The following PTCHD1 variants were observed in gnomAD, a reference collection of about 807,000 sequenced individuals.
The protein encoded by PTCHD1 is patched domain-containing protein 1.
In PTCHD1, 3 loss-of-function variants were observed where a neutral mutation model predicts 34.6. That is an observed-to-expected ratio of 0.09 (90% CI 0.04 to 0.22). The LOEUF (loss-of-function observed/expected upper bound fraction) is 0.22. Among genes scored for constraint, PTCHD1 ranks in the 10% least tolerant of loss-of-function variants. The pLI is 1.00. For synonymous variants in PTCHD1, 305 were observed against 283.1 expected, an observed-to-expected ratio of 1.08 and a Z score of -0.77; for missense variants, 504 against 685.5, an observed-to-expected ratio of 0.74 and a Z score of 2.96.
chrX:23,369,133 C>G (rs895156765), intron 1 of PTCHD1, among the ~76,000 whole-genome samples: 2 of 112,140 alleles, frequency 1.8e-5, no homozygotes, highest in Non-Finnish European at 3.8e-5. Context: ...AAGTCTTCTC[C>G]CTTTTCACAT....
chrX:23,370,997 GGGA>G (rs752638650), intron 1 of PTCHD1, among the ~76,000 whole-genome samples: 3 of 111,156 alleles, frequency 2.7e-5, no homozygotes, highest in Non-Finnish European at 5.7e-5. Flanking sequence ...AGGACTCTTG[GGGA>G]GGAGGAGAGG....
chrX:23,384,137 G>A lies in PTCHD1; in HGVS notation c.1012+3886G>A, dbSNP rs150777246. Among the ~76,000 whole-genome samples the A allele has an allele frequency of 8.9e-3, 1,006 of 112,412 alleles. 38 individuals are homozygous for A. Among genetic ancestry groups the A allele is most frequent in the Admixed American group, 0.084 (894 of 10,594 alleles). The stretch of plus-strand genomic sequence containing the variant: ...GAAAGTTTTCTCCCTTCTGCATCTG[G>A]AAGGTTTGTTGCTTCATGTACATCC... On this transcript the variant is annotated intron_variant, in intron 2 of 2. Transcript: ENST00000379361.
At position 23,400,325 on chromosome X, in the gene PTCHD1, T is replaced by C. The variant is rs1258348653; in HGVS notation, c.*6140T>C. 1.8e-5 allele frequency: 2 copies of C among 110,647 alleles called. No individual in the cohort carries two copies. Among genetic ancestry groups the C allele is most frequent in the Non-Finnish European group, 3.8e-5 (2 of 52,808 alleles). 9.1% of individuals were successfully genotyped at this position (110,647 alleles called of 1,213,427 possible). A position where few individuals can be genotyped will look rare whatever the true frequency, so the allele number is the denominator to read the frequency against. On this transcript the variant is annotated 3_prime_UTR_variant, in exon 3 of 3. Coordinates refer to ENST00000379361, the MANE Select transcript of PTCHD1 (RefSeq NM_173495.3). ...GTGAAACCCCGCCTCTACTAAAAAATACAAAAAAATTAGCTGGGCGTGGTG... is the reference window on the plus strand; with the variant it reads ...GTGAAACCCCGCCTCTACTAAAAAACACAAAAAAATTAGCTGGGCGTGGTG...
In PTCHD1 at chrX:23,403,791, CTA is replaced by C. The variant is rs1294484880; in HGVS notation, c.*9607_*9608del. ...TTTCTTAATATCTATAAAAATATGA[CTA>C]AACTTGTTACATTTGAGGCAAATAT... On this transcript the variant is annotated 3_prime_UTR_variant, in exon 3 of 3. Coordinates refer to ENST00000379361, the MANE Select transcript of PTCHD1 (RefSeq NM_173495.3). The C allele has an allele frequency of 9.0e-6, 1 of 111,231 alleles. No homozygotes were observed. The highest frequency in any genetic ancestry group is 1.9e-5 in the Non-Finnish European group (1 of 53,067). The allele number at this position is 111,231 out of a possible 1,213,427, so 9.2% of individuals were successfully genotyped here.
chrX:23,379,081 C>T (rs1205477051), intron 1 of PTCHD1, among the ~76,000 whole-genome samples: 1 of 111,869 alleles, frequency 8.9e-6, no homozygotes, highest in Non-Finnish European at 1.9e-5. Flanking sequence ...CATTAAAGGA[C>T]GAGCCAGCAG....
Position 23,391,458 on chromosome X carries a change from A to T in PTCHD1, c.1013-1073A>T, listed in dbSNP as rs903099896. 4.5e-5 allele frequency among the ~76,000 whole-genome samples: 5 copies of T among 110,624 alleles called. No homozygotes were observed. In the East Asian group the frequency reaches 1.4e-3, roughly 31 times the overall value. ...AACCAGGAGAGTTCATATTTATCTT[A>T]TTTTTTCTGTATTTTCTTCACTGAA... On this transcript the variant is annotated intron_variant, in intron 2 of 2. Coordinates refer to ENST00000379361, the MANE Select transcript of PTCHD1 (RefSeq NM_173495.3).
intron 2 of PTCHD1, among the ~76,000 whole-genome samples, chrX:23,389,022 C>T (rs1922756772): frequency 9.0e-6 from 1 of 111,663 alleles, no homozygotes; most frequent in East Asian, 2.8e-4. Context: ...TGAAGAAATT[C>T]GTCTCTGTGA....
At chrX:23,385,211 G>T (rs906184669) in intron 2 of PTCHD1, among the ~76,000 whole-genome samples, 1 of 111,744 alleles carries the variant, frequency 8.9e-6, no homozygotes. Context: ...CTTGTAATTC[G>T]TTCTTGCCCT....
intron 1 of PTCHD1, among the ~76,000 whole-genome samples, chrX:23,335,825 C>T (rs1921156437): frequency 9.0e-6 from 1 of 111,567 alleles, no homozygotes; most frequent in African/African-American, 3.3e-5. Context: ...AGGGGGCTGC[C>T]CTGCTGCTCT....
intron 1 of PTCHD1, among the ~76,000 whole-genome samples, chrX:23,339,585 T>C (rs1168956412): frequency 8.9e-6 from 1 of 112,567 alleles, no homozygotes; most frequent in Non-Finnish European, 1.9e-5. Flanking sequence ...CTTCAGGCTT[T>C]CCAAGAAGGG....
chrX:23,360,012 G>A (rs1218160842), intron 1 of PTCHD1, among the ~76,000 whole-genome samples: 2 of 111,938 alleles, frequency 1.8e-5, no homozygotes, highest in Non-Finnish European at 3.8e-5. Context: ...CTTGATTGTG[G>A]TGGATAACCT....
At position 23,392,545 on chromosome X, in the gene PTCHD1, G is replaced by A; in HGVS notation, c.1027G>A (p.Gly343Arg). The stretch of plus-strand genomic sequence containing the variant: ...TGCCCTCTTAGGTCATGGATTATAT[G>A]GGACTTTTGAAATGTTATCCTCCTG... The part of the protein sequence containing the change: ...PFVMLGHGLY[G>R]TFEMLSSWRK... The change falls in exon 3 of 3, where the codon GGG (glycine) becomes AGG (arginine). Residue 343 changes from glycine (G) to arginine (R), a missense_variant. Coordinates refer to ENST00000379361, the MANE Select transcript of PTCHD1 (RefSeq NM_173495.3). The A allele has an allele frequency of 8.4e-7, 1 of 1,196,124 alleles. No homozygotes were observed. Among genetic ancestry groups the A allele is most frequent in the Non-Finnish European group, 1.1e-6 (1 of 881,499 alleles).
intron 1 of PTCHD1, among the ~76,000 whole-genome samples, chrX:23,373,486 G>A (rs1308079072): frequency 1.8e-5 from 2 of 112,833 alleles, no homozygotes; most frequent in African/African-American, 3.2e-5. Context: ...CTCTGGAAAT[G>A]TAATATTTCA....
chrX:23,363,252 C>T (rs1050941606), intron 1 of PTCHD1, among the ~76,000 whole-genome samples: 1 of 112,828 alleles, frequency 8.9e-6, no homozygotes, highest in Non-Finnish European at 1.9e-5. Flanking sequence ...TGCCCTGCCC[C>T]CAGAGGTGGA....
chrX:23,373,113 C>T (rs1348537959), intron 1 of PTCHD1, among the ~76,000 whole-genome samples: 2 of 112,509 alleles, frequency 1.8e-5, no homozygotes, highest in Middle Eastern at 4.6e-3. Flanking sequence ...TTTCCTTCAC[C>T]ATCACTATTT....
At chrX:23,384,879 A>C (rs6627920) in intron 2 of PTCHD1, among the ~76,000 whole-genome samples, 31,057 of 110,925 alleles carry the variant, frequency 0.28, 3,842 homozygotes, top group East Asian at 0.41. Flanking sequence ...AAAAATGGTA[A>C]TTTTGTGTGG....
chrX:23,392,421 A>C, intron 2 of PTCHD1, 110 bp from the exon 3 acceptor site: 1 of 548,882 alleles, frequency 1.8e-6, no homozygotes. Context: ...CGTCACCACT[A>C]GGGTTGATTA....
intron 2 of PTCHD1, among the ~76,000 whole-genome samples, chrX:23,387,945 C>A (rs1922726087): frequency 8.9e-6 from 1 of 111,798 alleles, no homozygotes; most frequent in African/African-American, 3.3e-5. Context: ...GTTGGCAACT[C>A]CTCAGTCCTG....
intron 1 of PTCHD1, among the ~76,000 whole-genome samples, chrX:23,337,848 CCT>C (rs1186123752): frequency 9.1e-6 from 1 of 110,494 alleles, no homozygotes; most frequent in Non-Finnish European, 1.9e-5. Context: ...CCCATTCTCT[CCT>C]CTTAATGTTT....
Sources: allele counts gnomAD v4.1 joint callset (sites outside exome capture counted in the v4.1 genomes callset), GRCh38; gene constraint gnomAD v4.1.1; transcripts MANE v1.5; gene names NCBI Gene and HGNC (gene_info 2026-07-23, HGNC 2026-07-21).